SSBP3: variants seen among roughly 807,000 people sequenced by gnomAD.
The protein encoded by SSBP3 is single-stranded DNA-binding protein 3.
A neutral mutation model predicts 69.6 loss-of-function variants in SSBP3; 5 were observed. That is an observed-to-expected ratio of 0.07 (90% CI 0.04 to 0.15). SSBP3 has a LOEUF of 0.15. SSBP3 is among the 10% of genes least tolerant of loss of function. SSBP3 has a pLI of 1.00. For missense variants in SSBP3, 312 were observed against 534.0 expected (o/e 0.58, Z 4.10); for synonymous variants, 196 against 193.4 (o/e 1.01, Z -0.11).
At chr1:54,284,735 C>G (rs1001451461) in intron 4 of SSBP3, among the ~76,000 whole-genome samples, 1 of 152,066 alleles carries the variant, frequency 6.6e-6, no homozygotes, top group African/African-American at 2.4e-5. Flanking sequence ...CCCAAAAGTG[C>G]TAGCATTACA....
chr1:54,335,466 A>AT (rs1646492087), intron 4 of SSBP3, among the ~76,000 whole-genome samples: 1 of 152,228 alleles, frequency 6.6e-6, no homozygotes, highest in Non-Finnish European at 1.5e-5. Flanking sequence ...ACTGTGATCC[A>AT]TGTCAAGAAC....
intron 3 of SSBP3, 94 bp downstream of exon 3, chr1:54,404,482 C>T (rs1294022353): frequency 1.6e-5 from 24 of 1,481,408 alleles, no homozygotes; most frequent in Non-Finnish European, 2.2e-5. Context: ...GGCCACAGGG[C>T]GGAGGGCCTG....
At chr1:54,384,972 T>C (rs1006174550) in intron 4 of SSBP3, among the ~76,000 whole-genome samples, 4 of 152,174 alleles carry the variant, frequency 2.6e-5, no homozygotes, top group African/African-American at 9.7e-5. Flanking sequence ...CTCTGGCTAA[T>C]GGTGGCCCCA....
At chr1:54,233,580 G>C (rs1489239945) in intron 14 of SSBP3, among the ~76,000 whole-genome samples, 1 of 148,124 alleles carries the variant, frequency 6.8e-6, no homozygotes, top group Non-Finnish European at 1.5e-5. Context: ...CCGTCGGGGA[G>C]GGAGGTGGGG....
intron 4 of SSBP3, among the ~76,000 whole-genome samples, chr1:54,393,313 G>A (rs115766627): frequency 4.3e-4 from 66 of 152,270 alleles, no homozygotes; most frequent in African/African-American, 1.5e-3. Context: ...ATCCCCCAGG[G>A]GTACCTGAAA....
Position 54,240,288 on chromosome 1 carries a change from T to C in SSBP3, c.856+617A>G, listed in dbSNP as rs146151675. Among the ~76,000 whole-genome samples the C allele has an allele frequency of 6.5e-3, 970 of 148,778 alleles. 4 individuals carry two copies. Among genetic ancestry groups the C allele is most frequent in the Non-Finnish European group, 7.4e-3 (499 of 67,660 alleles). ...AGCCTGGGTACATGGTGAAACCCCA[T>C]CTCTACTAAAAATACAAAAATTAGC... On this transcript the variant is annotated intron_variant, in intron 13 of 17. Coordinates refer to ENST00000610401, the Ensembl canonical transcript of SSBP3.
At chr1:54,407,266 G>A (rs1183306032), upstream of SSBP3, among the ~76,000 whole-genome samples, 1 of 152,234 alleles carries the variant, frequency 6.6e-6, no homozygotes, top group East Asian at 1.9e-4. Flanking sequence ...CTTCTGCACG[G>A]GAAAGGGTGC....
intron 4 of SSBP3, among the ~76,000 whole-genome samples, chr1:54,372,230 G>T (rs906526113): frequency 6.6e-6 from 1 of 152,226 alleles, no homozygotes; most frequent in African/African-American, 2.4e-5. Context: ...CTGCCTTGCA[G>T]GGTTGGTCTG....
intron 9 of SSBP3, 83 bp from the exon 10 acceptor site, chr1:54,243,382 TAGTG>T: frequency 6.8e-7 from 1 of 1,477,810 alleles, no homozygotes; most frequent in Non-Finnish European, 9.5e-7. Context: ...AGACAAAACA[TAGTG>T]AGAGGGTTAG....
At chr1:54,238,485 G>A (rs1015505094) in intron 14 of SSBP3, 3 of 374,888 alleles carry the variant, frequency 8.0e-6, no homozygotes, top group Non-Finnish European at 1.6e-5. Flanking sequence ...CCCCGACCTC[G>A]GGCAACGCCC....
At chr1:54,309,599 C>T (rs892281532) in intron 4 of SSBP3, among the ~76,000 whole-genome samples, 1 of 152,204 alleles carries the variant, frequency 6.6e-6, no homozygotes, top group Non-Finnish European at 1.5e-5. Flanking sequence ...AGAAAGTTGG[C>T]TTCTGTGCCA....
At chr1:54,337,176 C>T (rs1646521754) in intron 4 of SSBP3, among the ~76,000 whole-genome samples, 1 of 152,216 alleles carries the variant, frequency 6.6e-6, no homozygotes, top group Non-Finnish European at 1.5e-5. Flanking sequence ...TGGAATCGGC[C>T]AGCAACCTCT....
chr1:54,344,900 G>A lies in SSBP3; in HGVS notation c.276+56961C>T, dbSNP rs559380802. 5.9e-5 allele frequency among the ~76,000 whole-genome samples: 9 copies of A among 152,304 alleles called. No homozygotes were observed. In the South Asian group the frequency reaches 1.7e-3, roughly 28 times the overall value. On this transcript the variant is annotated intron_variant, in intron 4 of 17. Transcript: ENST00000610401. ...AGGTCTCCCACTGCTTGAGCGCGTC[G>A]CTGGCAGACAGTGCCCATTAGTCCA...
chr1:54,274,787 C>A (rs986784477), intron 5 of SSBP3, among the ~76,000 whole-genome samples: 1 of 152,162 alleles, frequency 6.6e-6, no homozygotes, highest in African/African-American at 2.4e-5. Context: ...AGGAACCTTT[C>A]ATGGCTCTCC....
chr1:54,327,441 G>A (rs984047009), intron 4 of SSBP3, among the ~76,000 whole-genome samples: 8 of 152,068 alleles, frequency 5.3e-5, no homozygotes, highest in African/African-American at 9.7e-5. Flanking sequence ...GCAATCTGCC[G>A]CCCTGCCTGC....
intron 4 of SSBP3, chr1:54,326,496 G>A (rs1646306799): frequency 6.6e-6 from 1 of 152,236 alleles, no homozygotes; most frequent in Non-Finnish European, 1.5e-5. Context: ...TCTGCCCCAA[G>A]CTTATTCTAT....
chr1:54,266,230 C>T (rs984279832), intron 5 of SSBP3, among the ~76,000 whole-genome samples: 1 of 152,192 alleles, frequency 6.6e-6, no homozygotes. Context: ...CTGGGTCCCT[C>T]GCACCAAGCT....
At chr1:54,339,133 C>A (rs939257702) in intron 4 of SSBP3, among the ~76,000 whole-genome samples, 1 of 151,990 alleles carries the variant, frequency 6.6e-6, no homozygotes, top group Non-Finnish European at 1.5e-5. Context: ...AGACCCTTCA[C>A]CTATCACCAT....
intron 3 of SSBP3, among the ~76,000 whole-genome samples, chr1:54,404,191 C>G (rs1479870289): frequency 1.3e-5 from 2 of 152,106 alleles, no homozygotes; most frequent in South Asian, 4.2e-4. Context: ...AAGGGACAGG[C>G]TAGTTGTAAA....
Sources: allele counts gnomAD v4.1 joint callset (sites outside exome capture counted in the v4.1 genomes callset), GRCh38; gene constraint gnomAD v4.1.1; transcripts MANE v1.5; gene names NCBI Gene and HGNC (gene_info 2026-07-23, HGNC 2026-07-21).